The following OXR1 variants were observed in gnomAD, a reference collection of about 807,000 sequenced individuals.
OXR1 encodes oxidation resistance 1, also known as oxidation resistance protein 1.
Under a neutral mutation model 104.6 loss-of-function variants are expected in OXR1, and 41 were observed. That is an observed-to-expected ratio of 0.39 (90% CI 0.31 to 0.51). OXR1 has a LOEUF of 0.51. OXR1 is among the 20% of genes least tolerant of loss of function. The pLI, the probability that OXR1 is intolerant of heterozygous loss-of-function variation, is 0.77. For missense variants in OXR1, 955 were observed against 1,031.9 expected, an observed-to-expected ratio of 0.93 and a Z score of 1.02; for synonymous variants, 348 against 348.4, an observed-to-expected ratio of 1.00 and a Z score of 0.01.
At chr8:106,299,017 T>C (rs1356904507) in intron 1 of OXR1, among the ~76,000 whole-genome samples, 2 of 152,044 alleles carry the variant, frequency 1.3e-5, no homozygotes, top group African/African-American at 2.4e-5. Flanking sequence ...TATACAGATA[T>C]ACAATGAGTT....
intron 2 of OXR1, among the ~76,000 whole-genome samples, chr8:106,497,022 G>A (rs1398225913): frequency 6.6e-6 from 1 of 152,192 alleles, no homozygotes; most frequent in African/African-American, 2.4e-5. Flanking sequence ...CGGGAGGAAA[G>A]CACAAAAGTG....
intron 3 of OXR1, among the ~76,000 whole-genome samples, chr8:106,652,839 T>C (rs1824715157): frequency 6.6e-6 from 1 of 151,572 alleles, no homozygotes; most frequent in African/African-American, 2.4e-5. Flanking sequence ...AACCTCAAGT[T>C]GGCTCTCTGC....
At chr8:106,340,502 C>T (rs1815197858) in intron 1 of OXR1, among the ~76,000 whole-genome samples, 1 of 152,186 alleles carries the variant, frequency 6.6e-6, no homozygotes, top group Non-Finnish European at 1.5e-5. Context: ...CTGATCACCA[C>T]ATCTAAAATA....
At chr8:106,339,114 T>G (rs1172799771) in intron 1 of OXR1, among the ~76,000 whole-genome samples, 1 of 152,180 alleles carries the variant, frequency 6.6e-6, no homozygotes, top group Non-Finnish European at 1.5e-5. Flanking sequence ...TTACATACTT[T>G]TGTGTCCACA....
chr8:106,699,335 T>A (rs897678248), intron 7 of OXR1, among the ~76,000 whole-genome samples: 1 of 152,158 alleles, frequency 6.6e-6, no homozygotes, highest in African/African-American at 2.4e-5. Context: ...GGGAACCCTT[T>A]GTAGACCTCT....
chr8:106,586,238 A>G (rs1331319788), intron 3 of OXR1, among the ~76,000 whole-genome samples: 2 of 152,168 alleles, frequency 1.3e-5, no homozygotes, highest in African/African-American at 4.8e-5. Context: ...AGAAGTGGTC[A>G]CATTCTGTAT....
intron 2 of OXR1, among the ~76,000 whole-genome samples, chr8:106,417,422 T>C (rs892414126): frequency 6.6e-5 from 10 of 152,172 alleles, no homozygotes; most frequent in African/African-American, 1.9e-4. Flanking sequence ...TAGTGTGTTA[T>C]GTATAGTCCT....
rs897124841 is a variant in OXR1 at position 106,751,502 on chromosome 8, A to T, written c.*561A>T. On this transcript the variant is annotated 3_prime_UTR_variant, in exon 17 of 17. Coordinates refer to ENST00000517566, the MANE Select transcript of OXR1 (RefSeq NM_001198533.2). ...TCACACTACAACATTCTCTTTAACG[A>T]TGTTGCAGGTATTCTCAATTTCCTT... 2 of 152,558 alleles carry T rather than the reference A, an allele frequency of 1.3e-5. No homozygotes were observed. The highest frequency in any genetic ancestry group is 6.5e-5 in the Admixed American group (1 of 15,278). The allele number at this position is 152,558 out of a possible 1,614,324, so 9.5% of individuals were successfully genotyped here. A position where few individuals can be genotyped will look rare whatever the true frequency, so the allele number is the denominator to read the frequency against.
At chr8:106,447,688 G>A (rs1195703602) in intron 2 of OXR1, among the ~76,000 whole-genome samples, 1 of 152,180 alleles carries the variant, frequency 6.6e-6, no homozygotes, top group Non-Finnish European at 1.5e-5. Context: ...AATCGCTTCT[G>A]TGTTTTCCTT....
At chr8:106,506,364 A>C (rs532796065) in intron 2 of OXR1, among the ~76,000 whole-genome samples, 22 of 152,224 alleles carry the variant, frequency 1.4e-4, no homozygotes, top group Non-Finnish European at 2.8e-4. Flanking sequence ...CTGTAATCTC[A>C]GCACTTTGGG....
At chr8:106,580,186 C>T (rs565003819) in intron 3 of OXR1, among the ~76,000 whole-genome samples, 4 of 152,244 alleles carry the variant, frequency 2.6e-5, no homozygotes, top group South Asian at 4.2e-4. Context: ...ATAGTAAAAG[C>T]CATCTCCAGA....
chr8:106,342,876 C>T (rs1815313361), intron 1 of OXR1, among the ~76,000 whole-genome samples: 1 of 152,184 alleles, frequency 6.6e-6, no homozygotes, highest in Non-Finnish European at 1.5e-5. Context: ...CTCACCTTCC[C>T]TTAAAACCAT....
At chr8:106,386,114 G>T (rs1379016160) in intron 2 of OXR1, among the ~76,000 whole-genome samples, 1 of 152,134 alleles carries the variant, frequency 6.6e-6, no homozygotes, top group Non-Finnish European at 1.5e-5. Flanking sequence ...AACACTCTTA[G>T]GGTATGGTTG....
At chr8:106,739,335 C>A in intron 12 of OXR1, 123 bp from the exon 13 acceptor site, 1 of 821,980 alleles carries the variant, frequency 1.2e-6, no homozygotes, top group Non-Finnish European at 1.9e-6. Context: ...CCTATAAAAT[C>A]TTAAGGTTAA....
chr8:106,731,002 C>T (rs549293828), intron 11 of OXR1, among the ~76,000 whole-genome samples: 1 of 152,274 alleles, frequency 6.6e-6, no homozygotes, highest in South Asian at 2.1e-4. Context: ...ATGAGAATTC[C>T]TGTTCTCCAC....
At chr8:106,726,173 G>T in intron 11 of OXR1, 1 of 1,481,006 alleles carries the variant, frequency 6.8e-7, no homozygotes, top group South Asian at 1.3e-5. Context: ...ATTTATCTTT[G>T]ACAGAGGAAG....
intron 11 of OXR1, among the ~76,000 whole-genome samples, chr8:106,722,668 G>C (rs967154459): frequency 6.6e-6 from 1 of 152,170 alleles, no homozygotes; most frequent in Non-Finnish European, 1.5e-5. Flanking sequence ...TATATGGTAT[G>C]ACCTAGAAGT....
At chr8:106,532,856 G>A (rs566097119) in intron 3 of OXR1, among the ~76,000 whole-genome samples, 2 of 152,232 alleles carry the variant, frequency 1.3e-5, no homozygotes, top group African/African-American at 4.8e-5. Context: ...GAAGCTATAT[G>A]CCTTTTGAAT....
intron 2 of OXR1, among the ~76,000 whole-genome samples, chr8:106,416,758 C>T (rs1563511841): frequency 6.6e-6 from 1 of 152,052 alleles, no homozygotes; most frequent in Non-Finnish European, 1.5e-5. Context: ...CCAATGCTCC[C>T]TTGAAAGCTC....
Sources: gnomAD v4.1 joint callset for allele counts (sites outside exome capture counted in the v4.1 genomes callset) on GRCh38, gnomAD v4.1.1 for gene constraint, MANE v1.5 for transcripts, NCBI Gene and HGNC (gene_info 2026-07-23, HGNC 2026-07-21) for gene names.